FHIT: variants seen among roughly 807,000 people sequenced by gnomAD.
The protein encoded by FHIT is fragile histidine triad diadenosine triphosphatase.
FHIT carries 19 observed loss-of-function variants against 17.9 expected under a neutral mutation model. The observed-to-expected ratio is 1.06, with a 90% CI of 0.74 to 1.56. The LOEUF (loss-of-function observed/expected upper bound fraction) is 1.56, where lower values mean the gene tolerates loss of function less well. FHIT is among the 40% of genes most tolerant of loss of function. The pLI, the probability that FHIT is intolerant of heterozygous loss-of-function variation, is 0.00. For missense variants in FHIT, 248 were observed against 189.2 expected (o/e 1.31, Z -1.82); for synonymous variants, 81 against 69.7 (o/e 1.16, Z -0.81).
At chr3:61,140,883 T>G (rs896149504) in intron 2 of FHIT, among the ~76,000 whole-genome samples, 1 of 152,234 alleles carries the variant, frequency 6.6e-6, no homozygotes, top group Non-Finnish European at 1.5e-5. Flanking sequence ...GATAAGTATA[T>G]GCCATTCTTA....
chr3:59,778,521 T>G (rs183749055), intron 8 of FHIT, among the ~76,000 whole-genome samples: 10 of 152,344 alleles, frequency 6.6e-5, no homozygotes, highest in African/African-American at 2.4e-4. Flanking sequence ...AGTAACTATT[T>G]CTGGCTCTTC....
intron 1 of FHIT, among the ~76,000 whole-genome samples, chr3:61,215,137 AGTGTT>A (rs1312368488): frequency 1.3e-5 from 2 of 151,918 alleles, no homozygotes; most frequent in Non-Finnish European, 2.9e-5. Flanking sequence ...TATTCAACAT[AGTGTT>A]GGAAGTTCTG....
intron 5 of FHIT, among the ~76,000 whole-genome samples, chr3:60,041,786 A>G (rs757623510): frequency 8.5e-5 from 13 of 152,218 alleles, no homozygotes; most frequent in Admixed American, 2.0e-4. Flanking sequence ...TCTTTCCACA[A>G]TGCATTTGTT....
intron 5 of FHIT, among the ~76,000 whole-genome samples, chr3:60,056,080 T>G (rs1702068498): frequency 6.6e-6 from 1 of 152,242 alleles, no homozygotes; most frequent in African/African-American, 2.4e-5. Context: ...GGAAGGTATC[T>G]GAGAGCACAG....
chr3:60,114,818 G>C (rs112760528), intron 5 of FHIT, among the ~76,000 whole-genome samples: 7 of 152,182 alleles, frequency 4.6e-5, no homozygotes, highest in African/African-American at 1.7e-4. Context: ...AATTAAAAAT[G>C]AAGAGTAATA....
chr3:61,027,513 T>C (rs2032796485), intron 3 of FHIT, among the ~76,000 whole-genome samples: 1 of 152,252 alleles, frequency 6.6e-6, no homozygotes, highest in African/African-American at 2.4e-5. Flanking sequence ...TTCACATTGG[T>C]AGCTTGAAAT....
At chr3:60,259,176 G>T (rs1346314252) in intron 5 of FHIT, among the ~76,000 whole-genome samples, 1 of 152,074 alleles carries the variant, frequency 6.6e-6, no homozygotes, top group Non-Finnish European at 1.5e-5. Flanking sequence ...AGCAGGCCAG[G>T]AATTGCTGAG....
At chr3:60,682,117 G>C (rs1258645421) in intron 4 of FHIT, among the ~76,000 whole-genome samples, 1 of 151,988 alleles carries the variant, frequency 6.6e-6, no homozygotes. Context: ...GATTACAGGT[G>C]CCCACCACTA....
intron 5 of FHIT, among the ~76,000 whole-genome samples, chr3:60,121,528 A>T (rs1705246660): frequency 6.6e-6 from 1 of 152,062 alleles, no homozygotes; most frequent in African/African-American, 2.4e-5. Flanking sequence ...TCTACCAAAC[A>T]TAAAAATTAG....
intron 1 of FHIT, among the ~76,000 whole-genome samples, chr3:61,202,097 TAC>T (rs1427243990): frequency 8.7e-6 from 1 of 114,378 alleles, no homozygotes; most frequent in East Asian, 2.7e-4. Flanking sequence ...CACACGCACA[TAC>T]ACACACATAT....
chr3:60,536,542 C>T (rs1326454829), intron 5 of FHIT: 1 of 237,052 alleles, frequency 4.2e-6, no homozygotes, highest in African/African-American at 2.2e-5. Context: ...TCACTGGGCT[C>T]ATTTTAGAAG....
At chr3:60,118,406 C>T (rs1174587434) in intron 5 of FHIT, among the ~76,000 whole-genome samples, 3 of 151,896 alleles carry the variant, frequency 2.0e-5, no homozygotes, top group African/African-American at 7.3e-5. Context: ...CTGCACCCGG[C>T]CCTGTTTTAA....
chr3:60,122,363 C>T (rs566590210), intron 5 of FHIT, among the ~76,000 whole-genome samples: 3 of 152,138 alleles, frequency 2.0e-5, no homozygotes, highest in African/African-American at 4.8e-5. Context: ...GAATCCCGGC[C>T]CTCAGGGAAC....
intron 2 of FHIT, among the ~76,000 whole-genome samples, chr3:61,081,972 C>A (rs1002216995): frequency 2.6e-5 from 4 of 152,088 alleles, no homozygotes; most frequent in African/African-American, 9.7e-5. Context: ...CTGTCAACTT[C>A]TTTCTATACC....
At chr3:60,527,097 G>T (rs1483536558) in intron 5 of FHIT, among the ~76,000 whole-genome samples, 1 of 152,154 alleles carries the variant, frequency 6.6e-6, no homozygotes, top group Non-Finnish European at 1.5e-5. Flanking sequence ...GGCCTTAGCT[G>T]TTTATTCCGC....
chr3:59,755,109 C>A (rs1028390561), intron 8 of FHIT, among the ~76,000 whole-genome samples: 2 of 150,226 alleles, frequency 1.3e-5, no homozygotes, highest in Admixed American at 1.3e-4. Context: ...TAGAAAGAAT[C>A]CGCTTGCCTT....
At chr3:60,951,294 A>C (rs189292339) in intron 3 of FHIT, among the ~76,000 whole-genome samples, 4 of 152,302 alleles carry the variant, frequency 2.6e-5, no homozygotes, top group Admixed American at 1.3e-4. Flanking sequence ...GCCAATAATA[A>C]AATTCTTAGA....
chr3:60,018,682 AAAC>A (rs1339293792), intron 5 of FHIT, among the ~76,000 whole-genome samples: 1 of 152,152 alleles, frequency 6.6e-6, no homozygotes, highest in Admixed American at 6.5e-5. Context: ...TAGAGCCTTA[AAAC>A]AACATTGATC....
intron 2 of FHIT, among the ~76,000 whole-genome samples, chr3:61,107,701 A>G (rs1005083782): frequency 2.6e-5 from 4 of 152,218 alleles, no homozygotes; most frequent in Non-Finnish European, 4.4e-5. Flanking sequence ...AGTTTAATTG[A>G]GCAATGAACA....
Sources: gnomAD v4.1 joint callset for allele counts (sites outside exome capture counted in the v4.1 genomes callset) on GRCh38, gnomAD v4.1.1 for gene constraint, MANE v1.5 for transcripts, NCBI Gene and HGNC (gene_info 2026-07-23, HGNC 2026-07-21) for gene names.